Variants in TRHDE observed in about 807,000 individuals in gnomAD.
The protein encoded by TRHDE is thyrotropin-releasing hormone-degrading ectoenzyme.
A neutral mutation model predicts 125.7 loss-of-function variants in TRHDE; 72 were observed. The ratio of observed to expected loss-of-function variants is 0.57; its 90% CI spans 0.47 to 0.70. The LOEUF is 0.70. TRHDE is among the 30% of genes least tolerant of loss of function. The pLI is 0.00. For synonymous variants in TRHDE, 509 were observed against 509.1 expected (o/e 1.00, Z 0.00); for missense variants, 1,110 against 1,327.1 (o/e 0.84, Z 2.54).
chr12:72,100,651 G>A (rs1875046305), intron 1 of TRHDE, among the ~76,000 whole-genome samples: 1 of 152,176 alleles, frequency 6.6e-6, no homozygotes, highest in Admixed American at 6.5e-5. Context: ...CTGCTTGCTA[G>A]TCCCTTTGGG....
At chr12:72,445,204 G>A (rs1875218000) in intron 3 of TRHDE, among the ~76,000 whole-genome samples, 1 of 151,636 alleles carries the variant, frequency 6.6e-6, no homozygotes, top group Non-Finnish European at 1.5e-5. Flanking sequence ...GAAGTGATAT[G>A]ATTTAATGCT....
chr12:72,655,094 A>G (rs1052475829), intron 17 of TRHDE, among the ~76,000 whole-genome samples: 2 of 152,058 alleles, frequency 1.3e-5, no homozygotes, highest in Admixed American at 1.3e-4. Flanking sequence ...GTTTTTTGAG[A>G]CAAGGTCTCA....
At chr12:72,292,833 G>A (rs1431873071) in intron 2 of TRHDE, among the ~76,000 whole-genome samples, 1 of 152,138 alleles carries the variant, frequency 6.6e-6, no homozygotes, top group Non-Finnish European at 1.5e-5. Flanking sequence ...AATCAATATT[G>A]CTGAATAAGA....
intron 2 of TRHDE, among the ~76,000 whole-genome samples, chr12:72,234,728 TA>T (rs1218821122): frequency 9.2e-5 from 14 of 152,094 alleles, no homozygotes; most frequent in African/African-American, 1.4e-4. Context: ...TTAGGTGCTT[TA>T]AAAAAAATCT....
At chr12:72,535,750 T>C (rs1309860412) in intron 6 of TRHDE, among the ~76,000 whole-genome samples, 3 of 152,128 alleles carry the variant, frequency 2.0e-5, no homozygotes, top group Non-Finnish European at 2.9e-5. Context: ...AGGTATGCTT[T>C]TATTCCATAC....
intron 2 of TRHDE, among the ~76,000 whole-genome samples, chr12:72,294,420 A>G (rs1349777911): frequency 1.3e-5 from 2 of 152,056 alleles, no homozygotes; most frequent in African/African-American, 2.4e-5. Flanking sequence ...GGGTATCCTG[A>G]CAAGTGTTCA....
chr12:72,362,759 T>A (rs1417561993), intron 2 of TRHDE, among the ~76,000 whole-genome samples: 1 of 152,076 alleles, frequency 6.6e-6, no homozygotes, highest in Non-Finnish European at 1.5e-5. Context: ...AAGGAAGAGA[T>A]CCAGTTTCAG....
At chr12:72,474,365 A>G (rs961582552) in intron 5 of TRHDE, among the ~76,000 whole-genome samples, 2 of 152,140 alleles carry the variant, frequency 1.3e-5, no homozygotes, top group African/African-American at 4.8e-5. Flanking sequence ...GCTCTATAGT[A>G]GATCTCTAGG....
intron 3 of TRHDE, among the ~76,000 whole-genome samples, chr12:72,462,819 T>C (rs1179958539): frequency 6.6e-6 from 1 of 152,158 alleles, no homozygotes; most frequent in Non-Finnish European, 1.5e-5. Context: ...ATTTGTGTAT[T>C]ATTTGGCCCC....
chr12:72,564,824 A>G (rs962168089), intron 9 of TRHDE, among the ~76,000 whole-genome samples: 24 of 151,062 alleles, frequency 1.6e-4, no homozygotes, highest in Non-Finnish European at 3.2e-4. Context: ...CCGCCGCCAC[A>G]CCCGGCTAAT....
chr12:72,435,325 A>G (rs965266631), intron 3 of TRHDE, among the ~76,000 whole-genome samples: 1 of 152,198 alleles, frequency 6.6e-6, no homozygotes, highest in African/African-American at 2.4e-5. Context: ...GCAGCAGTTT[A>G]TTTAACTAAT....
intron 12 of TRHDE, chr12:72,582,504 G>GT (rs1871281419): frequency 1.0e-6 from 1 of 985,130 alleles, no homozygotes; most frequent in South Asian, 4.7e-5. Flanking sequence ...CTTGTACCTC[G>GT]TTTAAGGTTT....
chr12:72,391,248 AT>A (rs1222603894), intron 3 of TRHDE, among the ~76,000 whole-genome samples: 15 of 152,154 alleles, frequency 9.9e-5, no homozygotes, highest in Non-Finnish European at 1.5e-5. Context: ...GTTTTTGAGA[AT>A]TTTGATGCTG....
At chr12:72,129,843 A>G (rs1044405901) in intron 2 of TRHDE, among the ~76,000 whole-genome samples, 29 of 152,268 alleles carry the variant, frequency 1.9e-4, no homozygotes, top group Non-Finnish European at 1.6e-4. Context: ...CCAATTAAAA[A>G]TGTAATAGAT....
chr12:72,301,287 G>T (rs755440737), intron 2 of TRHDE, among the ~76,000 whole-genome samples: 1 of 152,138 alleles, frequency 6.6e-6, no homozygotes, highest in Non-Finnish European at 1.5e-5. Context: ...GTCTAAATGG[G>T]AGAGTGGTCT....
At chr12:72,541,674 A>G (rs1423102695) in intron 6 of TRHDE, among the ~76,000 whole-genome samples, 1 of 151,452 alleles carries the variant, frequency 6.6e-6, no homozygotes, top group African/African-American at 2.4e-5. Flanking sequence ...TTTAAGCTTT[A>G]GAACAGCCAT....
chr12:72,408,474 C>T (rs1219956469), intron 3 of TRHDE, among the ~76,000 whole-genome samples: 2 of 152,094 alleles, frequency 1.3e-5, no homozygotes, highest in African/African-American at 4.8e-5. Context: ...CCTATAAACA[C>T]ACTTTTAAGG....
At chr12:72,441,224 T>G (rs1293287982) in intron 3 of TRHDE, among the ~76,000 whole-genome samples, 4 of 151,928 alleles carry the variant, frequency 2.6e-5, no homozygotes, top group African/African-American at 9.7e-5. Context: ...GGTGTTTTGC[T>G]TTGACTATAA....
At chr12:72,129,403 C>G (rs1229103810) in intron 2 of TRHDE, among the ~76,000 whole-genome samples, 2 of 151,096 alleles carry the variant, frequency 1.3e-5, no homozygotes, top group African/African-American at 4.9e-5. Context: ...AATTAGATAT[C>G]CATTCTCATA....
Sources: allele counts gnomAD v4.1 joint callset (sites outside exome capture counted in the v4.1 genomes callset), GRCh38; gene constraint gnomAD v4.1.1; transcripts MANE v1.5; gene names NCBI Gene and HGNC (gene_info 2026-07-23, HGNC 2026-07-21).